OSBPL8: variants seen among roughly 807,000 people sequenced by gnomAD.
OSBPL8 encodes oxysterol-binding protein-related protein 8.
Under a neutral mutation model 125.5 loss-of-function variants are expected in OSBPL8, and 59 were observed. The ratio of observed to expected loss-of-function variants is 0.47; its 90% CI spans 0.38 to 0.58. The LOEUF is 0.58. Ranked by LOEUF, OSBPL8 falls within the 20% of genes least tolerant of loss-of-function variation. The probability of loss-of-function intolerance (pLI) is 0.00; values close to 1 mark genes in which losing one functional copy is unlikely to be tolerated. For synonymous variants in OSBPL8, 330 were observed against 338.9 expected, an observed-to-expected ratio of 0.97 and a Z score of 0.29; for missense variants, 758 against 1,047.8, an observed-to-expected ratio of 0.72 and a Z score of 3.82.
At position 76,399,918 on chromosome 12, in the gene OSBPL8, A is replaced by T; in HGVS notation, c.423T>A (p.Ser141Arg). 1 of 1,609,328 alleles carries T rather than the reference A, an allele frequency of 6.2e-7. No homozygotes were observed. The highest frequency in any genetic ancestry group is 8.5e-7 in the Non-Finnish European group (1 of 1,178,866). The part of the protein sequence containing the change: ...EKKRATKELL[S>R]TITDPSVIVM... ...CAATAACAGAAGGATCTGTGATTGT[A>T]CTGAGCAGCTCCTTTGTGGCTCTTT... The change falls in exon 7 of 24, where the codon AGT becomes AGA. Residue 141 changes from serine to arginine, a missense_variant. This residue lies in a region of OSBPL8 where 69 missense variants were observed against 148.7 expected (regional missense o/e 0.46). Transcript: ENST00000261183.
intron 1 of OSBPL8, among the ~76,000 whole-genome samples, chr12:76,505,047 A>G (rs771463929): frequency 2.2e-4 from 34 of 152,062 alleles, no homozygotes; most frequent in African/African-American, 3.9e-4. Flanking sequence ...CCACCAAACT[A>G]TTCTTGAAAA....
At chr12:76,379,957 T>C (rs1316191179) in intron 15 of OSBPL8, among the ~76,000 whole-genome samples, 2 of 152,252 alleles carry the variant, frequency 1.3e-5, no homozygotes, top group Non-Finnish European at 2.9e-5. Context: ...CATTTGACCA[T>C]GTGTACAGGT....
intron 1 of OSBPL8, among the ~76,000 whole-genome samples, chr12:76,521,889 T>C (rs908277981): frequency 1.3e-5 from 2 of 152,160 alleles, no homozygotes; most frequent in Non-Finnish European, 1.5e-5. Context: ...GTTTATACAA[T>C]ATAAATGTAC....
intron 4 of OSBPL8, among the ~76,000 whole-genome samples, chr12:76,411,366 G>A (rs947220479): frequency 6.6e-6 from 1 of 151,898 alleles, no homozygotes; most frequent in Non-Finnish European, 1.5e-5. Context: ...ATTTTAATGA[G>A]GTTTTTCTAT....
intron 4 of OSBPL8, 93 bp downstream of exon 4, chr12:76,450,758 A>C (rs1212752370): frequency 7.6e-7 from 1 of 1,316,874 alleles, no homozygotes; most frequent in African/African-American, 1.5e-5. Context: ...AAAAAGAAAA[A>C]AAATATGATA....
intron 4 of OSBPL8, among the ~76,000 whole-genome samples, chr12:76,440,046 T>A (rs544592536): frequency 1.3e-5 from 2 of 152,332 alleles, no homozygotes; most frequent in African/African-American, 4.8e-5. Context: ...GAGCCTTTCT[T>A]CTTGCCAAAT....
chr12:76,481,841 T>C (rs551101006), intron 2 of OSBPL8, among the ~76,000 whole-genome samples: 15 of 152,348 alleles, frequency 9.8e-5, no homozygotes, highest in Admixed American at 6.5e-4. Flanking sequence ...TTAATTTGCA[T>C]GCACAAGCTC....
chr12:76,380,992 T>C (rs1341537074), intron 15 of OSBPL8, among the ~76,000 whole-genome samples: 1 of 152,202 alleles, frequency 6.6e-6, no homozygotes, highest in African/African-American at 2.4e-5. Context: ...ACTTTTCTTC[T>C]CTGTTATTCT....
intron 2 of OSBPL8, among the ~76,000 whole-genome samples, chr12:76,481,249 C>T (rs969949672): frequency 2.0e-5 from 3 of 152,158 alleles, no homozygotes; most frequent in Non-Finnish European, 4.4e-5. Context: ...CAATTTGTTA[C>T]AGTCGCAATA....
intron 2 of OSBPL8, among the ~76,000 whole-genome samples, chr12:76,472,633 C>T (rs1195755153): frequency 6.6e-6 from 1 of 152,226 alleles, no homozygotes; most frequent in African/African-American, 2.4e-5. Context: ...GTCCACTGGA[C>T]AGGGGGCCCT....
chr12:76,468,626 A>G (rs975976888), intron 2 of OSBPL8, among the ~76,000 whole-genome samples: 2 of 152,190 alleles, frequency 1.3e-5, no homozygotes, highest in African/African-American at 4.8e-5. Flanking sequence ...CAAATTGCCA[A>G]TTCTGCTACC....
chr12:76,410,673 G>C (rs770483823), intron 4 of OSBPL8, 39 bp from the exon 5 acceptor site: 10 of 1,338,228 alleles, frequency 7.5e-6, no homozygotes, highest in Non-Finnish European at 6.4e-6. Flanking sequence ...TACTACTTTT[G>C]AACATGTATA....
At chr12:76,472,175 T>C (rs1460242208) in intron 2 of OSBPL8, among the ~76,000 whole-genome samples, 5 of 152,254 alleles carry the variant, frequency 3.3e-5, no homozygotes, top group African/African-American at 1.2e-4. Flanking sequence ...ATATAATTTC[T>C]CTTTATCCCA....
intron 8 of OSBPL8, 80 bp from the exon 9 acceptor site, chr12:76,394,809 G>T: frequency 1.1e-6 from 1 of 922,180 alleles, no homozygotes. Flanking sequence ...AATATTATCT[G>T]TAATAATCTA....
At chr12:76,415,916 T>C (rs1868598002) in intron 4 of OSBPL8, among the ~76,000 whole-genome samples, 1 of 152,176 alleles carries the variant, frequency 6.6e-6, no homozygotes, top group Admixed American at 6.5e-5. Context: ...TTCTGTTCCA[T>C]TAATTCTTAG....
chr12:76,538,260 CATGA>C (rs1386793338), intron 1 of OSBPL8, among the ~76,000 whole-genome samples: 3 of 152,142 alleles, frequency 2.0e-5, no homozygotes, highest in African/African-American at 4.8e-5. Flanking sequence ...TGCTCAGAAT[CATGA>C]ATAATTTTTC....
chr12:76,354,242 C>A lies in OSBPL8; in HGVS notation c.*1647G>T, dbSNP rs539670036. Reference sequence around the variant, plus strand: ...AGGTAGATCTTATTTAAGCTTTTATCAATTTAAAACATCATTTCACATGTA... The same window carrying A: ...AGGTAGATCTTATTTAAGCTTTTATAAATTTAAAACATCATTTCACATGTA... On this transcript the variant is annotated 3_prime_UTR_variant, in exon 24 of 24. Coordinates refer to ENST00000261183, the MANE Select transcript of OSBPL8 (RefSeq NM_020841.5). 1.1e-4 allele frequency: 16 copies of A among 152,148 alleles called. No homozygotes were observed. Among genetic ancestry groups the A allele is most frequent in the Admixed American group, 2.6e-4 (4 of 15,266 alleles). The allele number at this position is 152,148 out of a possible 1,614,324, so 9.4% of individuals were successfully genotyped here. A position where few individuals can be genotyped will look rare whatever the true frequency, so the allele number is the denominator to read the frequency against.
chr12:76,507,694 A>C (rs889640347), intron 1 of OSBPL8, among the ~76,000 whole-genome samples: 3 of 151,216 alleles, frequency 2.0e-5, no homozygotes, highest in African/African-American at 7.4e-5. Context: ...GTGGTGGTGC[A>C]TGCCTGTAAT....
chr12:76,552,987 AGTT>A (rs757970915), intron 1 of OSBPL8, among the ~76,000 whole-genome samples: 3 of 152,330 alleles, frequency 2.0e-5, no homozygotes, highest in East Asian at 3.9e-4. Context: ...TGATCTTACA[AGTT>A]ATTATAATCA....
Sources: allele counts gnomAD v4.1 joint callset (sites outside exome capture counted in the v4.1 genomes callset), GRCh38; gene constraint gnomAD v4.1.1; regional missense constraint gnomAD v4.1.1; transcripts MANE v1.5; gene names NCBI Gene and HGNC (gene_info 2026-07-23, HGNC 2026-07-21).